The following CKAP5 variants were observed in gnomAD, a reference collection of about 807,000 sequenced individuals.
CKAP5 encodes the protein cytoskeleton associated protein 5, also known as cytoskeleton-associated protein 5.
Under a neutral mutation model 232.8 loss-of-function variants are expected in CKAP5, and 27 were observed. The observed-to-expected ratio is 0.12, with a 90% CI of 0.09 to 0.16. The LOEUF is 0.16. Among genes scored for constraint, CKAP5 ranks in the 10% least tolerant of loss-of-function variants. The pLI is 1.00. For missense variants in CKAP5, 1,838 were observed against 2,424.7 expected, an observed-to-expected ratio of 0.76 and a Z score of 5.08; for synonymous variants, 785 against 841.1, an observed-to-expected ratio of 0.93 and a Z score of 1.16.
intron 20 of CKAP5, among the ~76,000 whole-genome samples, chr11:46,779,345 C>T (rs1397624992): frequency 6.6e-6 from 1 of 152,194 alleles, no homozygotes; most frequent in African/African-American, 2.4e-5. Context: ...GTTGGCCAGG[C>T]TGGTCTCAAA....
Position 46,805,949 on chromosome 11 carries a change from T to TA in CKAP5, c.978+2081dup, listed in dbSNP as rs1223474219. On this transcript the variant is annotated intron_variant, in intron 8 of 43. Coordinates refer to ENST00000529230, the MANE Select transcript of CKAP5 (RefSeq NM_001008938.4). ...CGAAACTCCATCTCAAAAAAGAAAA[T>TA]AAAAAAAATAAAATGTCTCTGTCAC... Among the ~76,000 whole-genome samples, 5 of 151,632 alleles carry TA rather than the reference T, an allele frequency of 3.3e-5. No homozygotes were observed. The East Asian group carries it at 9.7e-4, about 29-fold the overall frequency.
chr11:46,807,502 G>A (rs565689340), intron 8 of CKAP5, among the ~76,000 whole-genome samples: 1 of 152,286 alleles, frequency 6.6e-6, no homozygotes, highest in South Asian at 2.1e-4. Flanking sequence ...TATACTTACA[G>A]TTTTCATAAA....
At chr11:46,766,907 C>T (rs899919736) in intron 27 of CKAP5, among the ~76,000 whole-genome samples, 11 of 152,144 alleles carry the variant, frequency 7.2e-5, no homozygotes, top group African/African-American at 2.2e-4. Context: ...GCAGACTAAC[C>T]GAAACATCTT....
chr11:46,795,099 C>T (rs1164107418), intron 13 of CKAP5, among the ~76,000 whole-genome samples: 3 of 152,028 alleles, frequency 2.0e-5, no homozygotes, highest in South Asian at 2.1e-4. Flanking sequence ...GAGGTCAAGG[C>T]GGGTGGATCA....
In CKAP5 at chr11:46,743,229, G is replaced by T. The variant is rs2064997812; in HGVS notation, c.*794C>A. On this transcript the variant is annotated 3_prime_UTR_variant, in exon 44 of 44. Coordinates refer to ENST00000529230, the MANE Select transcript of CKAP5 (RefSeq NM_001008938.4). Reference sequence around the variant, plus strand: ...GCGCAATCTTGTGTGCCTTTGGTCAGCAAAGTGGTAGGATGCCCAAGAGCT... The same window carrying T: ...GCGCAATCTTGTGTGCCTTTGGTCATCAAAGTGGTAGGATGCCCAAGAGCT... The T allele has an allele frequency of 6.6e-6, 1 of 152,218 alleles. No individual in the cohort carries two copies. Among genetic ancestry groups the T allele is most frequent in the South Asian group, 2.1e-4 (1 of 4,836 alleles). The allele number at this position is 152,218 out of a possible 1,614,324, so 9.4% of individuals were successfully genotyped here.
intron 38 of CKAP5, among the ~76,000 whole-genome samples, chr11:46,752,189 TATATACACAC>T (rs1250692676): frequency 9.3e-5 from 6 of 64,380 alleles, no homozygotes; most frequent in Admixed American, 6.2e-4. Flanking sequence ...TATATATATA[TATATACACAC>T]ACACACACAC....
intron 1 of CKAP5, among the ~76,000 whole-genome samples, chr11:46,830,543 A>G (rs1592488686): frequency 6.6e-6 from 1 of 151,910 alleles, no homozygotes; most frequent in East Asian, 1.9e-4. Context: ...CAAGGAACAG[A>G]TTCTTTCCTA....
chr11:46,752,072 T>C (rs2065068505), intron 38 of CKAP5, among the ~76,000 whole-genome samples: 1 of 150,222 alleles, frequency 6.7e-6, no homozygotes, highest in Admixed American at 6.7e-5. Flanking sequence ...TTACAAAATA[T>C]TTCCTCCCTT....
At position 46,809,800 on chromosome 11, in the gene CKAP5, T is replaced by C. The variant is rs538804490; in HGVS notation, c.705A>G (p.Gln235=). The C allele has an allele frequency of 1.2e-5, 19 of 1,614,116 alleles. No individual in the cohort carries two copies. Among genetic ancestry groups the C allele is most frequent in the South Asian group, 5.5e-5 (5 of 91,066 alleles). ...GTTCCAATTTAGCTTCTAGTTCTTGTTGGGAACGAAGAAATCGAGTAGGTC... is the reference window on the plus strand; with the variant it reads ...GTTCCAATTTAGCTTCTAGTTCTTGCTGGGAACGAAGAAATCGAGTAGGTC... ...APRPTRFLRS[Q]QELEAKLEQQ... Residue 235 remains glutamine (Q), a synonymous_variant, in exon 6 of 44, where the codon CAA becomes CAG. Coordinates refer to ENST00000529230, the MANE Select transcript of CKAP5 (RefSeq NM_001008938.4).
At chr11:46,845,434 G>T (rs1215715042) in intron 1 of CKAP5, among the ~76,000 whole-genome samples, 1 of 152,142 alleles carries the variant, frequency 6.6e-6, no homozygotes, top group Non-Finnish European at 1.5e-5. Context: ...AGCCACTCTG[G>T]CAACAACCCT....
At chr11:46,766,648 GCA>G (rs138352742) in intron 27 of CKAP5, among the ~76,000 whole-genome samples, 11,488 of 152,140 alleles carry the variant, frequency 0.076, 635 homozygotes, top group Middle Eastern at 0.14. Flanking sequence ...ATTACCCATT[GCA>G]CAGTTTTGCA....
rs750107457 is a variant in CKAP5, at chr11:46,795,616, A to G, written c.1628T>C (p.Leu543Pro). 1.7e-5 allele frequency: 27 copies of G among 1,612,612 alleles called. 1 individual carries two copies. In the South Asian group the frequency reaches 2.6e-4, roughly 16 times the overall value. ...KDISAPKPGPLKKAPAAKAGG... is the reference protein window; with the variant it reads ...KDISAPKPGPPKKAPAAKAGG... ...AACCTTAGCAGCAGGTGCCTTTTTT[A>G]GAGGTCCTGGTTTGGGTGCAGAAAT... is the stretch of plus-strand genomic sequence containing the variant. The change falls in exon 13 of 44, where the codon CTA becomes CCA. Residue 543 changes from leucine (L) to proline (P), a missense_variant. Leu to Pro is a moderately conservative substitution (Grantham distance 98, BLOSUM62 -3). Around this residue, in one of 6 missense-constraint regions of CKAP5, gnomAD observed 767 missense variants for 954.6 expected, o/e 0.80. Transcript: ENST00000529230.
At chr11:46,822,325 T>C (rs1400656825) in intron 1 of CKAP5, among the ~76,000 whole-genome samples, 1 of 151,972 alleles carries the variant, frequency 6.6e-6, no homozygotes, top group Admixed American at 6.5e-5. Flanking sequence ...GCTTTTATTT[T>C]CCCAAATAAG....
intron 1 of CKAP5, among the ~76,000 whole-genome samples, chr11:46,829,832 TTTTGTA>T (rs1236345520): frequency 8.2e-6 from 1 of 121,718 alleles, no homozygotes; most frequent in South Asian, 3.2e-4. Context: ...CTAATTCCTT[TTTTGTA>T]TGTGTGTGTG....
intron 9 of CKAP5, among the ~76,000 whole-genome samples, chr11:46,799,657 C>T (rs1466150233): frequency 1.3e-5 from 2 of 152,178 alleles, no homozygotes; most frequent in African/African-American, 2.4e-5. Flanking sequence ...AGAATCAGAA[C>T]TCAAACTGGA....
chr11:46,845,490 C>T (rs1421092189), intron 1 of CKAP5, among the ~76,000 whole-genome samples: 2 of 152,228 alleles, frequency 1.3e-5, no homozygotes, highest in Non-Finnish European at 2.9e-5. Flanking sequence ...CATTTCAATC[C>T]TGCTCAACAA....
intron 42 of CKAP5, among the ~76,000 whole-genome samples, chr11:46,747,854 G>A (rs1158335503): frequency 6.6e-6 from 1 of 151,840 alleles, no homozygotes; most frequent in African/African-American, 2.4e-5. Context: ...GAGCCCAGGA[G>A]TTAGAGACCA....
At chr11:46,796,173 A>C (rs888747246) in intron 12 of CKAP5, among the ~76,000 whole-genome samples, 1 of 41,070 alleles carries the variant, frequency 2.4e-5, no homozygotes, top group Non-Finnish European at 1.3e-4. Context: ...CCAAAAAAAA[A>C]AAAAAAAAAA....
chr11:46,751,089 CCCTCA>C, intron 40 of CKAP5, 24 bp downstream of exon 40: 1 of 1,613,586 alleles, frequency 6.2e-7, no homozygotes, highest in Non-Finnish European at 8.5e-7. Flanking sequence ...AGCCTCATGT[CCCTCA>C]ATCTTTCAAG....
Sources: allele counts gnomAD v4.1 joint callset (sites outside exome capture counted in the v4.1 genomes callset), GRCh38; gene constraint gnomAD v4.1.1; regional missense constraint gnomAD v4.1.1; transcripts MANE v1.5; gene names NCBI Gene and HGNC (gene_info 2026-07-23, HGNC 2026-07-21).